Variants in PHACTR3 observed in about 807,000 individuals in gnomAD.
PHACTR3 encodes protein phosphatase 1, regulatory subunit 123.
A neutral mutation model predicts 66.8 loss-of-function variants in PHACTR3; 16 were observed. That is an observed-to-expected ratio of 0.24 (90% CI 0.16 to 0.36). The LOEUF (loss-of-function observed/expected upper bound fraction) is 0.36. Among genes scored for constraint, PHACTR3 ranks in the 10% least tolerant of loss-of-function variants. The pLI, the probability that PHACTR3 is intolerant of heterozygous loss-of-function variation, is 1.00. For synonymous variants in PHACTR3, 323 were observed against 292.1 expected, an observed-to-expected ratio of 1.11 and a Z score of -1.08; for missense variants, 647 against 719.9, an observed-to-expected ratio of 0.90 and a Z score of 1.16.
At chr20:59,782,500 C>T (rs1337519230) in intron 7 of PHACTR3, among the ~76,000 whole-genome samples, 2 of 152,170 alleles carry the variant, frequency 1.3e-5, no homozygotes, top group East Asian at 3.9e-4. Flanking sequence ...GATCCACCCA[C>T]CTCGGCCTCT....
At chr20:59,666,675 A>G (rs1319664401) in intron 1 of PHACTR3, among the ~76,000 whole-genome samples, 1 of 152,186 alleles carries the variant, frequency 6.6e-6, no homozygotes, top group Non-Finnish European at 1.5e-5. Context: ...AAACAGGGAG[A>G]GAGAGAGAGA....
At chr20:59,805,730 T>C (rs1414348857) in intron 7 of PHACTR3, among the ~76,000 whole-genome samples, 2 of 152,150 alleles carry the variant, frequency 1.3e-5, no homozygotes, top group African/African-American at 4.8e-5. Context: ...CAGACGTTTT[T>C]GAAAGAAAAA....
chr20:59,637,911 T>C (rs1202243890), intron 1 of PHACTR3, among the ~76,000 whole-genome samples: 3 of 152,210 alleles, frequency 2.0e-5, no homozygotes, highest in African/African-American at 4.8e-5. Context: ...ATACTTTATC[T>C]TCCTGAAGCC....
At chr20:59,701,986 T>C (rs1018387151) in intron 1 of PHACTR3, among the ~76,000 whole-genome samples, 4 of 152,246 alleles carry the variant, frequency 2.6e-5, no homozygotes, top group Non-Finnish European at 1.5e-5. Context: ...ACTGTATTCT[T>C]TGACTAAGCA....
chr20:59,645,299 C>A (rs1386655408), intron 1 of PHACTR3, among the ~76,000 whole-genome samples: 13 of 150,572 alleles, frequency 8.6e-5, no homozygotes, highest in African/African-American at 3.2e-4. Context: ...GCTGGGTTAA[C>A]CTCCCTGGGC....
At chr20:59,660,282 C>A (rs1358677571) in intron 1 of PHACTR3, among the ~76,000 whole-genome samples, 1 of 152,210 alleles carries the variant, frequency 6.6e-6, no homozygotes, top group Non-Finnish European at 1.5e-5. Context: ...ATCACGAGGT[C>A]AGAAGATCGA....
rs1448959518 is a variant in PHACTR3 at position 59,820,584 on chromosome 20, A to G, written c.1328+14390A>G. Among the ~76,000 whole-genome samples, 2 of 152,126 alleles carry G rather than the reference A, an allele frequency of 1.3e-5. No homozygotes were observed. The highest frequency in any genetic ancestry group is 2.9e-5 in the Non-Finnish European group (2 of 68,014). On this transcript the variant is annotated intron_variant, in intron 8 of 12. Transcript: ENST00000371015. The surrounding 1 kb of genome is among the most constrained non-coding windows in gnomAD (Gnocchi z 4.6). The stretch of plus-strand genomic sequence containing the variant: ...GAAAGCCCATCTGTGTGTGGCATGC[A>G]GGGTACAGGGAGTGGGTCCCGAGTC...
chr20:59,760,130 G>A (rs921371425), intron 4 of PHACTR3, among the ~76,000 whole-genome samples: 8 of 152,148 alleles, frequency 5.3e-5, no homozygotes, highest in Non-Finnish European at 1.5e-5. Flanking sequence ...GCATCCAGGT[G>A]GCAACATCCA....
upstream of PHACTR3, among the ~76,000 whole-genome samples, chr20:59,602,920 C>CA (rs1230103455): frequency 9.9e-5 from 15 of 152,208 alleles, no homozygotes; most frequent in Admixed American, 1.3e-4. Flanking sequence ...CCAGCTCTTC[C>CA]ACGTGCTGGC....
At chr20:59,686,644 GTGA>G (rs759014921) in intron 1 of PHACTR3, among the ~76,000 whole-genome samples, 113 of 149,912 alleles carry the variant, frequency 7.5e-4, no homozygotes, top group Admixed American at 2.1e-3. Context: ...GATGATGGTG[GTGA>G]TGATGATGGT....
At chr20:59,779,816 C>T (rs1437182704) in intron 7 of PHACTR3, among the ~76,000 whole-genome samples, 1 of 152,268 alleles carries the variant, frequency 6.6e-6, no homozygotes, top group African/African-American at 2.4e-5. Flanking sequence ...CAGGCTTGCA[C>T]ATGGGGTGCC....
chr20:59,746,563 C>G (rs1017528669), intron 2 of PHACTR3, among the ~76,000 whole-genome samples: 11 of 152,254 alleles, frequency 7.2e-5, no homozygotes, highest in African/African-American at 2.2e-4. Flanking sequence ...TCCCCAGCAC[C>G]CAGCTCAGCA....
intron 3 of PHACTR3, among the ~76,000 whole-genome samples, chr20:59,751,491 C>A (rs2039580298): frequency 6.6e-6 from 1 of 152,150 alleles, no homozygotes; most frequent in Non-Finnish European, 1.5e-5. Context: ...CATGTACATA[C>A]ACATTGGACA....
chr20:59,663,588 C>T (rs187213944), intron 1 of PHACTR3, among the ~76,000 whole-genome samples: 1 of 152,354 alleles, frequency 6.6e-6, no homozygotes, highest in East Asian at 1.9e-4. Context: ...GACAGTGACT[C>T]AGGTTAGTAA....
chr20:59,795,178 G>T (rs1218320211), intron 7 of PHACTR3, among the ~76,000 whole-genome samples: 1 of 151,912 alleles, frequency 6.6e-6, no homozygotes, highest in African/African-American at 2.4e-5. Context: ...ATAGGGTTTG[G>T]TATGTTTTTA....
intron 1 of PHACTR3, among the ~76,000 whole-genome samples, chr20:59,598,595 T>C (rs2033390532): frequency 1.3e-5 from 2 of 152,204 alleles, no homozygotes; most frequent in South Asian, 4.1e-4. Flanking sequence ...CCATGAATGG[T>C]GAAATCAGGG....
chr20:59,841,292 TTTTG>T, intron 10 of PHACTR3, 99 bp from the exon 11 acceptor site: 1 of 1,224,230 alleles, frequency 8.2e-7, no homozygotes, highest in Non-Finnish European at 1.1e-6. Context: ...TTCAGGTTTT[TTTTG>T]TTTTGTTTTG....
At chr20:59,587,391 A>G (rs768644358) in intron 1 of PHACTR3, among the ~76,000 whole-genome samples, 25 of 152,236 alleles carry the variant, frequency 1.6e-4, no homozygotes, top group Non-Finnish European at 3.1e-4. Flanking sequence ...GACCTTGTAC[A>G]TGTTCACCCT....
intron 1 of PHACTR3, among the ~76,000 whole-genome samples, 158 bp from the exon 2 acceptor site, chr20:59,742,949 G>A (rs1186829172): frequency 2.6e-5 from 4 of 152,192 alleles, no homozygotes; most frequent in Admixed American, 2.0e-4. Flanking sequence ...CTGAGCTGCT[G>A]CGGCCACTGT....
Sources: allele counts gnomAD v4.1 joint callset (sites outside exome capture counted in the v4.1 genomes callset), GRCh38; gene constraint gnomAD v4.1.1; non-coding constraint Gnocchi (gnomAD v3.1); transcripts MANE v1.5; gene names NCBI Gene and HGNC (gene_info 2026-07-23, HGNC 2026-07-21).